Variants in GRIK1 observed in about 807,000 individuals in gnomAD.
GRIK1 encodes glutamate ionotropic receptor kainate type subunit 1.
In GRIK1, 69 loss-of-function variants were observed where a neutral mutation model predicts 105.7. The observed-to-expected ratio is 0.65, with a 90% CI of 0.54 to 0.80. The LOEUF is 0.80. Among genes scored for constraint, GRIK1 ranks in the 30% least tolerant of loss-of-function variants. The probability of loss-of-function intolerance (pLI) is 0.00; values close to 1 mark genes in which losing one functional copy is unlikely to be tolerated. For synonymous variants in GRIK1, 438 were observed against 431.3 expected, an observed-to-expected ratio of 1.02 and a Z score of -0.19; for missense variants, 1,109 against 1,167.3, an observed-to-expected ratio of 0.95 and a Z score of 0.73.
intron 3 of GRIK1, among the ~76,000 whole-genome samples, chr21:29,679,223 C>T (rs139344758): frequency 1.3e-3 from 203 of 152,254 alleles, no homozygotes; most frequent in African/African-American, 3.8e-3. Flanking sequence ...ATGCTATTCT[C>T]ATTTCAAATT....
chr21:29,835,120 T>C (rs374763316), intron 1 of GRIK1, among the ~76,000 whole-genome samples: 9 of 152,248 alleles, frequency 5.9e-5, no homozygotes, highest in Admixed American at 5.9e-4. Context: ...CTCAATATTA[T>C]TTTTCTTTCT....
At chr21:29,808,552 G>A (rs2066924310) in intron 1 of GRIK1, among the ~76,000 whole-genome samples, 1 of 152,126 alleles carries the variant, frequency 6.6e-6, no homozygotes, top group African/African-American at 2.4e-5. Context: ...AACAGAAGAT[G>A]GGTTGTTTTT....
intron 4 of GRIK1, among the ~76,000 whole-genome samples, chr21:29,666,747 T>G (rs1182938502): frequency 1.3e-5 from 2 of 152,250 alleles, no homozygotes; most frequent in African/African-American, 4.8e-5. Context: ...TGTTTGAGAA[T>G]AAAATGAAAC....
At chr21:29,805,535 G>C (rs527457012) in intron 1 of GRIK1, among the ~76,000 whole-genome samples, 3 of 152,144 alleles carry the variant, frequency 2.0e-5, no homozygotes, top group Non-Finnish European at 4.4e-5. Flanking sequence ...AGAAGAAATT[G>C]TTTTCTTCTA....
chr21:29,763,709 T>G (rs1211614074), intron 1 of GRIK1: 1 of 152,212 alleles, frequency 6.6e-6, no homozygotes, highest in Non-Finnish European at 1.5e-5. Flanking sequence ...ATAAGGAAAC[T>G]GGAACAGGAG....
At chr21:29,806,745 C>T (rs1017987003) in intron 1 of GRIK1, among the ~76,000 whole-genome samples, 14 of 152,082 alleles carry the variant, frequency 9.2e-5, no homozygotes, top group African/African-American at 3.1e-4. Flanking sequence ...AATAAACAAA[C>T]CACACAGGAT....
chr21:29,553,259 A>C, intron 16 of GRIK1: 1 of 1,017,760 alleles, frequency 9.8e-7, no homozygotes, highest in East Asian at 8.6e-5. Flanking sequence ...TTCATGAAGG[A>C]AGAGTTACTT....
At chr21:29,595,111 A>G (rs2061385953) in intron 9 of GRIK1, among the ~76,000 whole-genome samples, 2 of 152,126 alleles carry the variant, frequency 1.3e-5, no homozygotes, top group South Asian at 4.2e-4. Flanking sequence ...TACAACTTAC[A>G]ATGTGGAACA....
intron 1 of GRIK1, among the ~76,000 whole-genome samples, chr21:29,829,798 G>C (rs947830373): frequency 6.6e-6 from 1 of 152,120 alleles, no homozygotes; most frequent in Admixed American, 6.6e-5. Flanking sequence ...GCACAGATAG[G>C]ATTGATTCAC....
intron 16 of GRIK1, chr21:29,553,522 C>CTGGGCACATCTTTTT: frequency 2.0e-6 from 3 of 1,501,746 alleles, no homozygotes; most frequent in Non-Finnish European, 2.7e-6. Flanking sequence ...ACATTTTCTA[C>CTGGGCACATCTTTTT]TGGGCACATC....
intron 7 of GRIK1, among the ~76,000 whole-genome samples, chr21:29,640,717 C>G (rs1334356686): frequency 1.3e-5 from 2 of 152,080 alleles, no homozygotes; most frequent in East Asian, 3.9e-4. Flanking sequence ...GCTTTCATGT[C>G]ACTTCTGCCT....
At chr21:29,851,877 A>G (rs528147161) in intron 1 of GRIK1, among the ~76,000 whole-genome samples, 1 of 152,352 alleles carries the variant, frequency 6.6e-6, no homozygotes, top group African/African-American at 2.4e-5. Context: ...TTAGAATCAA[A>G]CATATTATCT....
intron 1 of GRIK1, among the ~76,000 whole-genome samples, chr21:29,930,557 T>C (rs2071532019): frequency 6.6e-6 from 1 of 152,176 alleles, no homozygotes; most frequent in Non-Finnish European, 1.5e-5. Flanking sequence ...TCTGTGAAAA[T>C]AGTTTCCTGT....
At chr21:29,705,879 T>C (rs1194413671) in intron 1 of GRIK1, among the ~76,000 whole-genome samples, 1 of 151,022 alleles carries the variant, frequency 6.6e-6, no homozygotes, top group African/African-American at 2.4e-5. Context: ...TTTTCTTTTT[T>C]TTTTTTTTTT....
chr21:29,656,354 CAAAAAA>C (rs3054331), intron 4 of GRIK1, among the ~76,000 whole-genome samples: 10 of 51,160 alleles, frequency 2.0e-4, no homozygotes, highest in Admixed American at 4.5e-4. Flanking sequence ...GAGCGAGACT[CAAAAAA>C]AAAAAAAAAA....
intron 1 of GRIK1, among the ~76,000 whole-genome samples, chr21:29,917,606 T>G (rs527241601): frequency 1.3e-5 from 2 of 152,178 alleles, no homozygotes; most frequent in African/African-American, 4.8e-5. Context: ...TCCATTGAAC[T>G]GAGTATAAAA....
intron 1 of GRIK1, among the ~76,000 whole-genome samples, chr21:29,846,396 AAAAG>A (rs2068113844): frequency 6.6e-6 from 1 of 151,576 alleles, no homozygotes; most frequent in Non-Finnish European, 1.5e-5. Context: ...CAAAAAAAAA[AAAAG>A]AAAGAAGAAA....
In GRIK1 at chr21:29,595,558, C is replaced by T. The variant is rs75235693; in HGVS notation, c.1251+968G>A. On this transcript the variant is annotated intron_variant, in intron 9 of 17. Coordinates refer to ENST00000327783, the MANE Select transcript of GRIK1 (RefSeq NM_001330994.2). ...ACTAAGAGGGGGACAAGGTTTTTGGCTACAGGGAGAAACTTGTGTACACTT... is the reference window on the plus strand; with the variant it reads ...ACTAAGAGGGGGACAAGGTTTTTGGTTACAGGGAGAAACTTGTGTACACTT... 4.8e-3 allele frequency among the ~76,000 whole-genome samples: 736 copies of T among 152,130 alleles called. 3 individuals are homozygous for T. The highest frequency in any genetic ancestry group is 0.017 in the African/African-American group (707 of 41,508).
intron 1 of GRIK1, among the ~76,000 whole-genome samples, chr21:29,749,974 T>G (rs1205990354): frequency 1.3e-5 from 2 of 151,728 alleles, no homozygotes; most frequent in Non-Finnish European, 2.9e-5. Context: ...ACTATTTATT[T>G]TTATTTATTT....
Sources: gnomAD v4.1 joint callset for allele counts (sites outside exome capture counted in the v4.1 genomes callset) on GRCh38, gnomAD v4.1.1 for gene constraint, MANE v1.5 for transcripts, NCBI Gene and HGNC (gene_info 2026-07-23, HGNC 2026-07-21) for gene names.